The following WDFY3 variants were observed in gnomAD, a reference collection of about 807,000 sequenced individuals.
The protein encoded by WDFY3 is WD repeat and FYVE domain-containing protein 3.
In WDFY3, 66 loss-of-function variants were observed where a neutral mutation model predicts 409.6. The observed-to-expected ratio is 0.16, with a 90% confidence interval of 0.13 to 0.20. WDFY3 has a LOEUF of 0.20. Ranked by LOEUF, WDFY3 falls within the 10% of genes least tolerant of loss-of-function variation. WDFY3 has a pLI of 1.00. For synonymous variants in WDFY3, 1,521 were observed against 1,537.1 expected, an observed-to-expected ratio of 0.99 and a Z score of 0.25; for missense variants, 3,031 against 4,298.1, an observed-to-expected ratio of 0.71 and a Z score of 8.24.
chr4:84,702,331 A>G lies in WDFY3; in HGVS notation c.8596+22T>C, dbSNP rs371250972. 9.5e-6 allele frequency: 15 copies of G among 1,577,866 alleles called. No individual in the cohort carries two copies. The African/African-American group carries it at 1.8e-4, about 19-fold the overall frequency. On this transcript the variant is annotated intron_variant, in intron 56 of 67. Transcript: ENST00000295888. ...ACTTTTCCTGGCTAACATTCCTAAGACAGTGCCATAGCTCTACGTACCTAG... is the reference window on the plus strand; with the variant it reads ...ACTTTTCCTGGCTAACATTCCTAAGGCAGTGCCATAGCTCTACGTACCTAG...
chr4:84,795,716 C>T (rs184890475), intron 19 of WDFY3, among the ~76,000 whole-genome samples: 20 of 151,838 alleles, frequency 1.3e-4, no homozygotes, highest in African/African-American at 4.1e-4. Flanking sequence ...GAGCCAAGAT[C>T]GCGCCATTGC....
chr4:84,715,500 C>A, intron 49 of WDFY3, 117 bp from the exon 50 acceptor site: 1 of 587,014 alleles, frequency 1.7e-6, no homozygotes, highest in Non-Finnish European at 2.9e-6. Flanking sequence ...TGCGGCCGGG[C>A]GCGGTGGCTC....
chr4:84,886,181 G>T (rs931370196), intron 3 of WDFY3, among the ~76,000 whole-genome samples: 1 of 152,080 alleles, frequency 6.6e-6, no homozygotes, highest in Non-Finnish European at 1.5e-5. Context: ...TAAAATGGTT[G>T]TATCTGTCCT....
intron 53 of WDFY3, among the ~76,000 whole-genome samples, chr4:84,708,477 C>T (rs1201859352): frequency 6.6e-6 from 1 of 151,904 alleles, no homozygotes; most frequent in African/African-American, 2.4e-5. Flanking sequence ...AATTAAGTGC[C>T]TTTGCCTATT....
intron 6 of WDFY3, among the ~76,000 whole-genome samples, chr4:84,837,812 T>G (rs1248892991): frequency 6.6e-6 from 1 of 152,218 alleles, no homozygotes; most frequent in Non-Finnish European, 1.5e-5. Flanking sequence ...TGTTGATTAG[T>G]TAGTTTACTT....
rs761573443 is a variant in WDFY3 at position 84,829,109 on chromosome 4, G to A, written c.851C>T (p.Ala284Val). The A allele has an allele frequency of 2.5e-6, 4 of 1,613,746 alleles. No individual in the cohort carries two copies. In the South Asian group the frequency reaches 3.3e-5, roughly 13 times the overall value. ...ATCTTTGAGGAAACAAGAAAGCCCA[G>A]CAAACATTTCGACAATTTCTAGGGG... is the stretch of plus-strand genomic sequence containing the variant. ...LSPLEIVEMF[A>V]GLSCFLKDSS... is the part of the protein sequence containing the mutation. The change falls in exon 9 of 68, where the codon GCT becomes GTT. Residue 284 changes from alanine to valine, a missense_variant. Transcript: ENST00000295888.
chr4:84,759,320 G>GT (rs1742072169), intron 32 of WDFY3, among the ~76,000 whole-genome samples: 1 of 152,230 alleles, frequency 6.6e-6, no homozygotes, highest in Non-Finnish European at 1.5e-5. Flanking sequence ...TTTTAAAGTA[G>GT]TTTTTTCCAA....
At position 84,671,078 on chromosome 4, in the gene WDFY3, C is replaced by T. The variant is rs1034395634; in HGVS notation, c.*1790G>A. The T allele has an allele frequency of 2.0e-5, 3 of 152,470 alleles. No homozygotes were observed. The highest frequency in any genetic ancestry group is 2.9e-5 in the Non-Finnish European group (2 of 68,018). The allele number at this position is 152,470 out of a possible 1,614,324, so 9.4% of individuals were successfully genotyped here. A position where few individuals can be genotyped will look rare whatever the true frequency, so the allele number is the denominator to read the frequency against. On this transcript the variant is annotated 3_prime_UTR_variant, in exon 68 of 68. Transcript: ENST00000295888. ...TAAATAAAGATTTAAATTTAGTAAGCGTAAGGCACTAAAGCAGCCTTTCTA... is the reference window on the plus strand; with the variant it reads ...TAAATAAAGATTTAAATTTAGTAAGTGTAAGGCACTAAAGCAGCCTTTCTA...
chr4:84,922,003 T>TA (rs1040335625), intron 2 of WDFY3, among the ~76,000 whole-genome samples: 1 of 151,972 alleles, frequency 6.6e-6, no homozygotes, highest in African/African-American at 2.4e-5. Context: ...CATCAATATA[T>TA]AACTATACAT....
Position 84,821,248 on chromosome 4 carries a change from T to C in WDFY3, c.1427A>G (p.Tyr476Cys), listed in dbSNP as rs1754014576. ...TTTCATTGCAATAATGCTACAGTGATAAGAAGAGCTAGATTTTAAGAGGAT... is the reference window on the plus strand; with the variant it reads ...TTTCATTGCAATAATGCTACAGTGACAAGAAGAGCTAGATTTTAAGAGGAT... ...VSILLKSSSS[Y>C]HCSIIAMKTL... Residue 476 changes from tyrosine to cysteine, a missense_variant, in exon 11 of 68, where the codon TAT becomes TGT. Transcript: ENST00000295888. 1 of 1,613,778 alleles carries C rather than the reference T, an allele frequency of 6.2e-7. No individual in the cohort carries two copies. The highest frequency in any genetic ancestry group is 2.2e-5 in the East Asian group (1 of 44,854).
In WDFY3 at chr4:84,689,872, A is replaced by G. The variant is rs561493660; in HGVS notation, c.9363+634T>C. Among the ~76,000 whole-genome samples the G allele has an allele frequency of 9.8e-5, 15 of 152,334 alleles. 1 individual carries two copies. The highest frequency in any genetic ancestry group is 7.2e-4 in the Admixed American group (11 of 15,296). On this transcript the variant is annotated intron_variant, in intron 61 of 67. Coordinates refer to ENST00000295888, the MANE Select transcript of WDFY3 (RefSeq NM_014991.6). ...TATTGTTACATTATTTTTCAAATTT[A>G]TATCATTAAAAATACTTAGATATAT...
intron 52 of WDFY3, 95 bp downstream of exon 52, chr4:84,709,198 G>T (rs1215259120): frequency 2.1e-6 from 3 of 1,406,336 alleles, no homozygotes; most frequent in Non-Finnish European, 2.9e-6. Context: ...TTTCTCTATG[G>T]TATATATTTT....
intron 3 of WDFY3, among the ~76,000 whole-genome samples, chr4:84,868,905 G>C (rs1294643598): frequency 6.6e-6 from 1 of 152,176 alleles, no homozygotes; most frequent in East Asian, 1.9e-4. Context: ...AGGCTGACCT[G>C]AGATCCCCAG....
At chr4:84,875,582 CAAATTTTT>C (rs925966637) in intron 3 of WDFY3, among the ~76,000 whole-genome samples, 3 of 152,166 alleles carry the variant, frequency 2.0e-5, no homozygotes, top group Admixed American at 6.5e-5. Context: ...TTCAAACTTT[CAAATTTTT>C]AAAAAAACTT....
intron 32 of WDFY3, among the ~76,000 whole-genome samples, chr4:84,757,626 G>A (rs1047356951): frequency 6.6e-6 from 1 of 152,022 alleles, no homozygotes; most frequent in Non-Finnish European, 1.5e-5. Flanking sequence ...TGCCCAGGCT[G>A]GAGTGCAGTG....
intron 2 of WDFY3, among the ~76,000 whole-genome samples, chr4:84,928,539 T>C (rs1477920727): frequency 6.6e-6 from 1 of 152,184 alleles, no homozygotes; most frequent in Non-Finnish European, 1.5e-5. Context: ...TCAGTGTAAA[T>C]GGTAAGAACT....
chr4:84,928,005 T>A (rs1289640867), intron 2 of WDFY3, among the ~76,000 whole-genome samples: 3 of 152,118 alleles, frequency 2.0e-5, no homozygotes, highest in Non-Finnish European at 4.4e-5. Context: ...GTGTCCCAGG[T>A]GTGTCTGTGA....
chr4:84,862,775 C>A (rs1760829194), intron 3 of WDFY3, among the ~76,000 whole-genome samples: 1 of 152,048 alleles, frequency 6.6e-6, no homozygotes. Context: ...ATCACGAGGT[C>A]AGGGGATCGA....
chr4:84,917,442 T>C (rs990593491), intron 2 of WDFY3, among the ~76,000 whole-genome samples: 1 of 152,174 alleles, frequency 6.6e-6, no homozygotes, highest in African/African-American at 2.4e-5. Flanking sequence ...AGGTGATAGA[T>C]ACATAAGCAT....
Sources: allele counts gnomAD v4.1 joint callset (sites outside exome capture counted in the v4.1 genomes callset), GRCh38; gene constraint gnomAD v4.1.1; transcripts MANE v1.5; gene names NCBI Gene and HGNC (gene_info 2026-07-23, HGNC 2026-07-21).